The following SMCHD1 variants were observed in gnomAD, a reference collection of about 807,000 sequenced individuals.
The protein encoded by SMCHD1 is structural maintenance of chromosomes flexible hinge domain-containing protein 1.
SMCHD1 carries 78 observed loss-of-function variants against 254.7 expected under a neutral mutation model. The observed-to-expected ratio is 0.31, with a 90% CI of 0.26 to 0.37. The LOEUF (loss-of-function observed/expected upper bound fraction) is 0.37. Among genes scored for constraint, SMCHD1 ranks in the 10% least tolerant of loss-of-function variants. The pLI, the probability that SMCHD1 is intolerant of heterozygous loss-of-function variation, is 1.00. For synonymous variants in SMCHD1, 766 were observed against 794.9 expected (o/e 0.96, Z 0.61); for missense variants, 1,840 against 2,408.1 (o/e 0.76, Z 4.94).
intron 39 of SMCHD1, among the ~76,000 whole-genome samples, chr18:2,770,400 T>C (rs2075956548): frequency 6.6e-6 from 1 of 152,194 alleles, no homozygotes; most frequent in Non-Finnish European, 1.5e-5. Context: ...TATTTAGCTC[T>C]AGCTTCTGGC....
chr18:2,752,480 C>G lies in SMCHD1; in HGVS notation c.4282-8C>G, dbSNP rs376395036. The G allele has an allele frequency of 3.1e-6, 5 of 1,596,218 alleles. No homozygotes were observed. The highest frequency in any genetic ancestry group is 4.3e-6 in the Non-Finnish European group (5 of 1,164,566). On this transcript the variant is annotated splice_polypyrimidine_tract_variant and splice_region_variant and intron_variant, in intron 33 of 47. Transcript: ENST00000320876. ...CCCTCTCCCCTTCTCTCCTACTCCCCTTTCTAGGCAGAAACATTTAGTTGT... is the reference window on the plus strand; with the variant it reads ...CCCTCTCCCCTTCTCTCCTACTCCCGTTTCTAGGCAGAAACATTTAGTTGT...
chr18:2,795,290 C>T (rs1472180620), intron 45 of SMCHD1, among the ~76,000 whole-genome samples: 1 of 142,590 alleles, frequency 7.0e-6, no homozygotes, highest in African/African-American at 2.5e-5. Flanking sequence ...ATCTCCTGAC[C>T]TCGTGATCCA....
chr18:2,795,990 A>C lies in SMCHD1; in HGVS notation c.5761A>C (p.Ser1921Arg). The stretch of plus-strand genomic sequence containing the variant: ...TCGTTCTGCTGTGTGCAAACTAGAC[A>C]GTGTGAATAAGGATCTTAACAGTCA... ...QYRSAVCKLDSVNKDLNSQLE... is the reference protein window; with the variant it reads ...QYRSAVCKLDRVNKDLNSQLE... The change falls in exon 46 of 48, where the codon AGT (serine) becomes CGT (arginine). Residue 1921 changes from serine to arginine, a missense_variant. Physicochemically the swap from Ser to Arg is moderately radical, Grantham distance 110. Coordinates refer to ENST00000320876, the MANE Select transcript of SMCHD1 (RefSeq NM_015295.3). 1 of 1,598,126 alleles carries C rather than the reference A, an allele frequency of 6.3e-7. No homozygotes were observed. The highest frequency in any genetic ancestry group is 8.5e-7 in the Non-Finnish European group (1 of 1,171,994).
intron 23 of SMCHD1, 25 bp downstream of exon 23, chr18:2,728,621 A>G (rs750079957): frequency 1.7e-5 from 27 of 1,604,856 alleles, no homozygotes; most frequent in Middle Eastern, 3.3e-4. Context: ...AGATATTTAG[A>G]TTGAGTCCCA....
rs534730331 is a variant in SMCHD1, at chr18:2,705,871, G to A, written c.1956+64G>A. The A allele has an allele frequency of 1.2e-4, 115 of 991,886 alleles. No homozygotes were observed. The African/African-American group carries it at 1.7e-3, about 15-fold the overall frequency. The allele number at this position is 991,886 out of a possible 1,614,324, so 61.4% of individuals were successfully genotyped here. On this transcript the variant is annotated intron_variant, in intron 14 of 47. Transcript: ENST00000320876. ...GATAACACTTTTGCATAATTGTTAA[G>A]ATACAGTATATTTCGCTAGTGACTA...
At chr18:2,762,026 C>A in intron 35 of SMCHD1, 79 bp from the exon 36 acceptor site, 1 of 1,114,640 alleles carries the variant, frequency 9.0e-7, no homozygotes, top group Non-Finnish European at 1.3e-6. Flanking sequence ...TAGTATGTGC[C>A]ATTGTTATGT....
chr18:2,755,851 A>G (rs937342739), intron 34 of SMCHD1, among the ~76,000 whole-genome samples: 2 of 152,094 alleles, frequency 1.3e-5, no homozygotes, highest in East Asian at 1.9e-4. Context: ...ACAGGTGTGA[A>G]TCACCGCCCT....
At chr18:2,788,312 C>T (rs574011511) in intron 45 of SMCHD1, among the ~76,000 whole-genome samples, 1 of 152,224 alleles carries the variant, frequency 6.6e-6, no homozygotes, top group Non-Finnish European at 1.5e-5. Flanking sequence ...TGCAGACACC[C>T]TGTTAAGGTT....
In SMCHD1 at chr18:2,734,581, G is replaced by A. The variant is rs548680599; in HGVS notation, c.3276+2089G>A. 1.4e-4 allele frequency among the ~76,000 whole-genome samples: 21 copies of A among 151,982 alleles called. 1 individual carries two copies. In the South Asian group the frequency reaches 3.7e-3, roughly 27 times the overall value. On this transcript the variant is annotated intron_variant, in intron 25 of 47. Transcript: ENST00000320876. ...AACTGAGCTGGGGAATCTATTGAGGGGAGTACGCAGCCAGGGTGAGTGAGG... is the reference window on the plus strand; with the variant it reads ...AACTGAGCTGGGGAATCTATTGAGGAGAGTACGCAGCCAGGGTGAGTGAGG...
chr18:2,768,288 A>G (rs2075906964), intron 37 of SMCHD1, among the ~76,000 whole-genome samples: 1 of 152,118 alleles, frequency 6.6e-6, no homozygotes, highest in African/African-American at 2.4e-5. Context: ...ACTCAGGGAG[A>G]TGTTAGTTAA....
At chr18:2,782,762 A>ACAACAAC (rs1568380169) in intron 44 of SMCHD1, among the ~76,000 whole-genome samples, 1 of 150,396 alleles carries the variant, frequency 6.6e-6, no homozygotes, top group African/African-American at 2.5e-5. Flanking sequence ...AAAAAAAAAA[A>ACAACAAC]AAAAAAAAAA....
Position 2,728,485 on chromosome 18 carries a change from T to C in SMCHD1, c.2802T>C (p.Pro934=), listed in dbSNP as rs2075068262. 6.2e-7 allele frequency: 1 copy of C among 1,613,044 alleles called. No homozygotes were observed. Among genetic ancestry groups the C allele is most frequent in the African/African-American group, 1.3e-5 (1 of 74,896 alleles). ...PGHPRRLKVK[P]DSEILVIENG... The stretch of plus-strand genomic sequence containing the variant: ...ACCCTCGTCGACTGAAAGTGAAACC[T>C]GATTCTGAAATTTTAGTTATAGAAA... The change falls in exon 23 of 48, where the codon CCT becomes CCC. Residue 934 remains proline, a synonymous_variant. Transcript: ENST00000320876.
Position 2,735,068 on chromosome 18 carries a change from C to CA in SMCHD1, c.3276+2587dup, listed in dbSNP as rs34701329. ...CTGGGAGACAGAGCAAGACTCATCT[C>CA]AAAAAAAAAAAGTTAATTCACCACG... On this transcript the variant is annotated intron_variant, in intron 25 of 47. Transcript: ENST00000320876. 1.2e-4 allele frequency among the ~76,000 whole-genome samples: 18 copies of CA among 149,076 alleles called. No individual in the cohort carries two copies. The South Asian group carries it at 1.5e-3, about 12-fold the overall frequency.
chr18:2,691,673 C>T (rs975500874), intron 7 of SMCHD1: 13 of 152,204 alleles, frequency 8.5e-5, no homozygotes, highest in African/African-American at 2.9e-4. Context: ...TAGATGCTTA[C>T]CTGATTATTG....
At chr18:2,669,161 C>T (rs2073526146) in intron 3 of SMCHD1, among the ~76,000 whole-genome samples, 1 of 151,630 alleles carries the variant, frequency 6.6e-6, no homozygotes, top group Admixed American at 6.6e-5. Context: ...GCCTGGGGGA[C>T]ATGATATGAC....
At position 2,694,228 on chromosome 18, in the gene SMCHD1, A is replaced by G. The variant is rs181778569; in HGVS notation, c.874-299A>G. Among the ~76,000 whole-genome samples, 856 of 152,272 alleles carry G rather than the reference A, an allele frequency of 5.6e-3. 4 individuals are homozygous for G. The highest frequency in any genetic ancestry group is 9.7e-3 in the Non-Finnish European group (659 of 68,018). ...GTAAGTGTCCTCAATTTTTTAAGGC[A>G]TTTTAAAACTCAGTATTTGTCTTTA... On this transcript the variant is annotated intron_variant, in intron 7 of 47. Coordinates refer to ENST00000320876, the MANE Select transcript of SMCHD1 (RefSeq NM_015295.3).
At chr18:2,752,082 A>T (rs1464000587) in intron 33 of SMCHD1, among the ~76,000 whole-genome samples, 2 of 152,150 alleles carry the variant, frequency 1.3e-5, no homozygotes, top group African/African-American at 4.8e-5. Flanking sequence ...TAAATCTAAA[A>T]TTGGGAACTA....
intron 28 of SMCHD1, among the ~76,000 whole-genome samples, 180 bp downstream of exon 28, chr18:2,741,001 A>C (rs2075339260): frequency 6.6e-6 from 1 of 152,196 alleles, no homozygotes; most frequent in South Asian, 2.1e-4. Flanking sequence ...ACATAGAATG[A>C]GTATTTCTTG....
At chr18:2,730,433 G>A (rs554472679) in intron 24 of SMCHD1, among the ~76,000 whole-genome samples, 2 of 152,312 alleles carry the variant, frequency 1.3e-5, no homozygotes, top group South Asian at 4.1e-4. Context: ...GCCTCCCAAA[G>A]TGCTGGGATT....
Sources: allele counts gnomAD v4.1 joint callset (sites outside exome capture counted in the v4.1 genomes callset), GRCh38; gene constraint gnomAD v4.1.1; transcripts MANE v1.5; gene names NCBI Gene and HGNC (gene_info 2026-07-23, HGNC 2026-07-21).